The following SAMMSON variants were observed in gnomAD, a reference collection of about 807,000 sequenced individuals.
The protein encoded by SAMMSON is survival associated mitochondrial melanoma specific oncogenic non-coding RNA, also known as long intergenic non-protein coding RNA 1212.
At chr3:70,050,170 A>G (rs1210724690) in intron 3 of SAMMSON, among the ~76,000 whole-genome samples, 2 of 152,162 alleles carry the variant, frequency 1.3e-5, no homozygotes, top group Non-Finnish European at 2.9e-5. Context: ...TGTGATCTAT[A>G]TTACTGAAAC....
chr3:70,422,432 T>C (rs553965119), intron 2 of SAMMSON, among the ~76,000 whole-genome samples: 4 of 152,184 alleles, frequency 2.6e-5, no homozygotes, highest in East Asian at 3.9e-4. Flanking sequence ...TTGTCTCTGA[T>C]TTAAAAAAAT....
At chr3:70,022,208 T>A (rs1232227901) in intron 3 of SAMMSON, among the ~76,000 whole-genome samples, 1 of 146,660 alleles carries the variant, frequency 6.8e-6, no homozygotes, top group Non-Finnish European at 1.5e-5. Flanking sequence ...GGGATTCAAA[T>A]GACAACGTGA....
intron 9 of SAMMSON, among the ~76,000 whole-genome samples, chr3:70,360,648 C>T (rs1702864330): frequency 6.6e-6 from 1 of 152,174 alleles, no homozygotes; most frequent in Non-Finnish European, 1.5e-5. Context: ...TTTGATTTAA[C>T]ATTGTGAGTG....
chr3:70,268,438 G>C (rs1404395773), intron 6 of SAMMSON, among the ~76,000 whole-genome samples: 3 of 133,178 alleles, frequency 2.3e-5, no homozygotes, highest in Non-Finnish European at 4.5e-5. Context: ...TCGCATCACT[G>C]CACTCCAGCC....
intron 5 of SAMMSON, among the ~76,000 whole-genome samples, chr3:70,249,348 G>A (rs570574698): frequency 1.3e-5 from 2 of 152,242 alleles, no homozygotes; most frequent in South Asian, 4.1e-4. Flanking sequence ...AGGCTTCAGT[G>A]TCTAAGGGGG....
intron 3 of SAMMSON, among the ~76,000 whole-genome samples, chr3:70,025,494 C>T (rs538908977): frequency 5.9e-5 from 9 of 152,284 alleles, no homozygotes; most frequent in East Asian, 1.9e-4. Flanking sequence ...CCACCCGCCT[C>T]GGCCTCCCAA....
chr3:70,243,465 T>A (rs374964900), intron 4 of SAMMSON, among the ~76,000 whole-genome samples: 29 of 152,206 alleles, frequency 1.9e-4, no homozygotes, highest in African/African-American at 7.0e-4. Context: ...TAAATCCTAC[T>A]CACTGCACTG....
intron 4 of SAMMSON, among the ~76,000 whole-genome samples, chr3:70,111,734 G>A (rs910411524): frequency 6.6e-6 from 1 of 152,066 alleles, no homozygotes; most frequent in Non-Finnish European, 1.5e-5. Context: ...AACAGAACTG[G>A]CAATTTTGGT....
chr3:70,294,852 G>T (rs1448835878), intron 7 of SAMMSON, among the ~76,000 whole-genome samples: 2 of 152,100 alleles, frequency 1.3e-5, no homozygotes, highest in Non-Finnish European at 2.9e-5. Context: ...GTAGCAATTT[G>T]ATGGTATCCA....
chr3:70,065,778 A>T, intron 3 of SAMMSON, among the ~76,000 whole-genome samples: 1 of 152,040 alleles, frequency 6.6e-6, no homozygotes, highest in East Asian at 1.9e-4. Context: ...CACAATAAAA[A>T]ATTGGCCCCA....
At chr3:70,144,473 C>T (rs1314079405) in intron 4 of SAMMSON, among the ~76,000 whole-genome samples, 1 of 152,124 alleles carries the variant, frequency 6.6e-6, no homozygotes, top group Non-Finnish European at 1.5e-5. Context: ...CAAGTCCATT[C>T]ATTAGAATTA....
At chr3:70,019,798 G>A (rs752414503) in intron 3 of SAMMSON, among the ~76,000 whole-genome samples, 3 of 151,960 alleles carry the variant, frequency 2.0e-5, no homozygotes, top group African/African-American at 7.2e-5. Flanking sequence ...CAGAAGTGCT[G>A]TTCTTAGGAA....
At chr3:70,178,581 G>C (rs771919021) in intron 4 of SAMMSON, among the ~76,000 whole-genome samples, 3 of 152,196 alleles carry the variant, frequency 2.0e-5, no homozygotes, top group Admixed American at 6.5e-5. Flanking sequence ...CACTATGAAG[G>C]AGGCATTTGC....
chr3:70,021,131 C>CTG (rs2067011557), intron 3 of SAMMSON, among the ~76,000 whole-genome samples: 1 of 151,900 alleles, frequency 6.6e-6, no homozygotes, highest in African/African-American at 2.4e-5. Flanking sequence ...AAAACATTCC[C>CTG]TGTGTGTGTG....
At position 70,418,306 on chromosome 3, in the gene SAMMSON, C is replaced by T. The variant is rs905721605; in HGVS notation, n.234-44254C>T. Among the ~76,000 whole-genome samples the T allele has an allele frequency of 3.3e-5, 5 of 152,266 alleles. 1 individual carries two copies. The South Asian group carries it at 1.0e-3, about 32-fold the overall frequency. Reference sequence around the variant, plus strand: ...GAAAACTCCAGGTAAACAAAGTCACCTTTGTGTATTCACCACTTCAGGTTA... The same window carrying T: ...GAAAACTCCAGGTAAACAAAGTCACTTTTGTGTATTCACCACTTCAGGTTA... On this transcript the variant is annotated intron_variant and non_coding_transcript_variant, in intron 2 of 3. Transcript: ENST00000641053.
intron 3 of SAMMSON, among the ~76,000 whole-genome samples, chr3:70,070,520 A>G (rs112118600): frequency 0.012 from 1,861 of 152,122 alleles, 40 homozygotes; most frequent in African/African-American, 0.042. Flanking sequence ...TTACTCTTTT[A>G]AAATAATTTA....
chr3:70,211,011 G>A (rs1358806289), intron 4 of SAMMSON, among the ~76,000 whole-genome samples: 2 of 152,144 alleles, frequency 1.3e-5, no homozygotes, highest in East Asian at 1.9e-4. Flanking sequence ...TTAAGAAAAC[G>A]TTTTAATGAT....
chr3:70,099,262 G>A (rs1033259962), intron 4 of SAMMSON, among the ~76,000 whole-genome samples: 1 of 152,126 alleles, frequency 6.6e-6, no homozygotes, highest in Non-Finnish European at 1.5e-5. Flanking sequence ...AAAGGTATTG[G>A]CGTTTTAAAC....
In SAMMSON at chr3:70,000,470, C is replaced by A. The variant is rs369532833; in HGVS notation, n.22+603C>A. On this transcript the variant is annotated intron_variant and non_coding_transcript_variant, in intron 1 of 9. Transcript: ENST00000642114. ...TTCCTCTTTCACCCACATTTTGTAT[C>A]TGTGTTCAAGATTAAATGAAAAAGG... Among the ~76,000 whole-genome samples the A allele has an allele frequency of 3.3e-5, 5 of 152,262 alleles. No homozygotes were observed. In the East Asian group the frequency reaches 5.8e-4, roughly 18 times the overall value.
Sources: gnomAD v4.1 joint callset for allele counts (sites outside exome capture counted in the v4.1 genomes callset) on GRCh38, gnomAD v4.1.1 for gene constraint, MANE v1.5 for transcripts, NCBI Gene and HGNC (gene_info 2026-07-23, HGNC 2026-07-21) for gene names.